Variants in CLSTN2 observed in about 807,000 individuals in gnomAD.
CLSTN2 encodes calsyntenin 2.
Under a neutral mutation model 101.2 loss-of-function variants are expected in CLSTN2, and 48 were observed. The ratio of observed to expected loss-of-function variants is 0.47; its 90% CI spans 0.38 to 0.60. The LOEUF (loss-of-function observed/expected upper bound fraction) is 0.60. Among genes scored for constraint, CLSTN2 ranks in the 20% least tolerant of loss-of-function variants. CLSTN2 has a pLI of 0.00. For missense variants in CLSTN2, 1,160 were observed against 1,238.2 expected (o/e 0.94, Z 0.95); for synonymous variants, 481 against 463.6 (o/e 1.04, Z -0.48).
intron 2 of CLSTN2, among the ~76,000 whole-genome samples, chr3:140,260,233 C>A (rs1685855297): frequency 6.6e-6 from 1 of 151,080 alleles, no homozygotes; most frequent in South Asian, 2.1e-4. Flanking sequence ...ATTACACTAT[C>A]TTCAGGACCT....
At chr3:140,065,102 G>T (rs993088865) in intron 1 of CLSTN2, among the ~76,000 whole-genome samples, 2 of 152,230 alleles carry the variant, frequency 1.3e-5, no homozygotes, top group Non-Finnish European at 2.9e-5. Flanking sequence ...TCCAAAAGAA[G>T]AGAAATGAGC....
At chr3:140,409,299 G>A (rs2088337622) in intron 4 of CLSTN2, among the ~76,000 whole-genome samples, 2 of 152,184 alleles carry the variant, frequency 1.3e-5, no homozygotes, top group South Asian at 4.1e-4. Flanking sequence ...CTGCCTGCAC[G>A]AGTCCTTTGT....
chr3:140,215,640 G>A (rs2010910875), intron 2 of CLSTN2, among the ~76,000 whole-genome samples: 1 of 152,156 alleles, frequency 6.6e-6, no homozygotes, highest in Admixed American at 6.5e-5. Context: ...GGTGGAGAGA[G>A]TCAGTAGAGT....
intron 2 of CLSTN2, among the ~76,000 whole-genome samples, chr3:140,344,098 CCTG>C (rs1182264775): frequency 2.6e-5 from 4 of 152,186 alleles, no homozygotes; most frequent in Admixed American, 2.0e-4. Context: ...CCTCACCTTA[CCTG>C]CTATAGTTTC....
intron 2 of CLSTN2, among the ~76,000 whole-genome samples, chr3:140,328,996 A>C (rs1451259960): frequency 6.6e-6 from 1 of 152,222 alleles, no homozygotes; most frequent in Non-Finnish European, 1.5e-5. Context: ...TGGTTTCTCT[A>C]TCAATTTGAT....
chr3:140,046,207 G>T (rs1022036527), intron 1 of CLSTN2, among the ~76,000 whole-genome samples: 3 of 151,378 alleles, frequency 2.0e-5, no homozygotes, highest in South Asian at 2.1e-4. Flanking sequence ...CTGTATTGGG[G>T]GCATATATAT....
chr3:139,977,431 C>A lies in CLSTN2; in HGVS notation c.109+41948C>A, dbSNP rs116455492. ...GTCTCCTGAGTCTTACTACACTGAC[C>A]TCTGTTCTTCTCTTGTTCTTCCAGA... On this transcript the variant is annotated intron_variant, in intron 1 of 16. Transcript: ENST00000458420. Among the ~76,000 whole-genome samples, 650 of 152,280 alleles carry A rather than the reference C, an allele frequency of 4.3e-3. 6 individuals carry two copies. The highest frequency in any genetic ancestry group is 0.015 in the African/African-American group (624 of 41,546).
At chr3:140,416,054 A>C (rs1229526020) in intron 4 of CLSTN2, among the ~76,000 whole-genome samples, 4 of 152,226 alleles carry the variant, frequency 2.6e-5, no homozygotes, top group African/African-American at 9.6e-5. Context: ...TGCCGTTTGC[A>C]ACAACTTGGA....
At chr3:139,989,052 T>C (rs1447716359) in intron 1 of CLSTN2, among the ~76,000 whole-genome samples, 1 of 152,160 alleles carries the variant, frequency 6.6e-6, no homozygotes, top group Non-Finnish European at 1.5e-5. Context: ...GCTTTACAAT[T>C]TGGGGAGCAC....
At chr3:139,945,855 T>C (rs969332938) in intron 1 of CLSTN2, among the ~76,000 whole-genome samples, 3 of 152,206 alleles carry the variant, frequency 2.0e-5, no homozygotes, top group African/African-American at 7.2e-5. Flanking sequence ...GTTATAGTAA[T>C]AGGAAAAGCT....
At chr3:140,448,419 G>C (rs971469035) in intron 5 of CLSTN2, 100 bp from the exon 6 acceptor site, 2 of 991,838 alleles carry the variant, frequency 2.0e-6, no homozygotes, top group Admixed American at 2.2e-5. Context: ...TATGTGTTGG[G>C]GCAAATAATT....
chr3:140,162,158 C>A (rs563159313), intron 1 of CLSTN2, among the ~76,000 whole-genome samples: 1 of 152,214 alleles, frequency 6.6e-6, no homozygotes, highest in South Asian at 2.1e-4. Context: ...GCAAAGAAAG[C>A]AAATACTATC....
intron 2 of CLSTN2, among the ~76,000 whole-genome samples, chr3:140,305,724 A>G (rs2087108272): frequency 1.3e-5 from 2 of 152,210 alleles, no homozygotes; most frequent in Admixed American, 1.3e-4. Flanking sequence ...AGACTCTTGA[A>G]AAATATTTTA....
chr3:140,550,625 T>C (rs572548379), intron 10 of CLSTN2, among the ~76,000 whole-genome samples: 123 of 152,246 alleles, frequency 8.1e-4, no homozygotes, highest in Non-Finnish European at 1.4e-3. Context: ...AGTTTCAGGG[T>C]ACTAGGCCCC....
At chr3:140,126,965 T>C (rs191383684) in intron 1 of CLSTN2, among the ~76,000 whole-genome samples, 72 of 152,008 alleles carry the variant, frequency 4.7e-4, no homozygotes, top group African/African-American at 1.7e-3. Flanking sequence ...ATTAGCAAAA[T>C]ATTGACTTCA....
chr3:140,388,487 A>G, intron 2 of CLSTN2, among the ~76,000 whole-genome samples: 1 of 152,222 alleles, frequency 6.6e-6, no homozygotes, highest in East Asian at 1.9e-4. Context: ...GTAAAGAAAA[A>G]GCCAGGCACA....
At chr3:140,266,681 T>A (rs953672240) in intron 2 of CLSTN2, among the ~76,000 whole-genome samples, 1 of 152,210 alleles carries the variant, frequency 6.6e-6, no homozygotes, top group Non-Finnish European at 1.5e-5. Flanking sequence ...ACCTTGTCTA[T>A]GCCAGGCATT....
rs1197254070 is a variant in CLSTN2 at position 140,177,068 on chromosome 3, T to C, written c.232+995T>C. Among the ~76,000 whole-genome samples the C allele has an allele frequency of 2.6e-5, 4 of 152,344 alleles. No individual in the cohort carries two copies. The Middle Eastern group carries it at 0.014, about 522-fold the overall frequency. ...AAAGCATGGAGCGAGAAGGTAGTTA[T>C]ATTAAATGGGGAAATTCAGTATTAT... On this transcript the variant is annotated intron_variant, in intron 2 of 16. Transcript: ENST00000458420.
chr3:140,447,077 T>C (rs1270016330), intron 5 of CLSTN2, among the ~76,000 whole-genome samples: 2 of 152,192 alleles, frequency 1.3e-5, no homozygotes, highest in Non-Finnish European at 2.9e-5. Flanking sequence ...CAGTGGCCCA[T>C]TGGGAACTGA....
Sources: gnomAD v4.1 joint callset for allele counts (sites outside exome capture counted in the v4.1 genomes callset) on GRCh38, gnomAD v4.1.1 for gene constraint, MANE v1.5 for transcripts, NCBI Gene and HGNC (gene_info 2026-07-23, HGNC 2026-07-21) for gene names.